STT3B: variants seen among roughly 807,000 people sequenced by gnomAD.
STT3B encodes the protein STT3 oligosaccharyltransferase complex catalytic subunit B, also known as dolichyl-diphosphooligosaccharide--protein glycosyltransferase subunit STT3B.
A neutral mutation model predicts 96.8 loss-of-function variants in STT3B; 29 were observed. That is an observed-to-expected ratio of 0.30 (90% CI 0.22 to 0.41). The LOEUF (loss-of-function observed/expected upper bound fraction) is 0.41. Among genes scored for constraint, STT3B ranks in the 10% least tolerant of loss-of-function variants. The probability of loss-of-function intolerance (pLI) is 1.00; values close to 1 mark genes in which losing one functional copy is unlikely to be tolerated. For synonymous variants in STT3B, 367 were observed against 360.0 expected (o/e 1.02, Z -0.22); for missense variants, 640 against 1,022.3 (o/e 0.63, Z 5.10).
chr3:31,608,095 C>G (rs1411662631), intron 5 of STT3B, among the ~76,000 whole-genome samples: 11 of 152,126 alleles, frequency 7.2e-5, no homozygotes, highest in Admixed American at 7.2e-4. Context: ...ATTCCATCTT[C>G]TACAGATGCA....
chr3:31,594,281 A>G (rs1698736071), intron 3 of STT3B, among the ~76,000 whole-genome samples: 1 of 151,854 alleles, frequency 6.6e-6, no homozygotes, highest in South Asian at 2.1e-4. Context: ...CATTTCTGAC[A>G]CTGTCTGTCT....
intron 1 of STT3B, among the ~76,000 whole-genome samples, 197 bp from the exon 2 acceptor site, chr3:31,576,199 G>T (rs900809682): frequency 6.6e-6 from 1 of 152,020 alleles, no homozygotes; most frequent in Non-Finnish European, 1.5e-5. Flanking sequence ...AGTTTTGTAG[G>T]TGTGGGTTTG....
chr3:31,545,578 C>G (rs1226154966), intron 1 of STT3B, among the ~76,000 whole-genome samples: 1 of 152,146 alleles, frequency 6.6e-6, no homozygotes, highest in Non-Finnish European at 1.5e-5. Flanking sequence ...AACCACAAAA[C>G]CAGAACATTA....
At chr3:31,574,088 C>T (rs553710214) in intron 1 of STT3B, among the ~76,000 whole-genome samples, 21 of 152,090 alleles carry the variant, frequency 1.4e-4, no homozygotes, top group African/African-American at 5.1e-4. Flanking sequence ...ATTAGCAGTC[C>T]CTTGAAGTCA....
At chr3:31,582,399 G>A (rs952455878) in intron 3 of STT3B, among the ~76,000 whole-genome samples, 2 of 150,778 alleles carry the variant, frequency 1.3e-5, no homozygotes, top group Non-Finnish European at 3.0e-5. Context: ...AGGTTCAAGC[G>A]ATTCTCTGCC....
rs1173591549 is a variant in STT3B, at chr3:31,579,477, T to TAAAAAAAA, written c.424-312_424-305dup. ...AAGCTAGACTAAGACCCTGTTTTGA[T>TAAAAAAAA]AAAAAAAAAAAAAAAAAAAAAAAAA... On this transcript the variant is annotated intron_variant, in intron 2 of 15. Transcript: ENST00000295770. Among the ~76,000 whole-genome samples the TAAAAAAAA allele has an allele frequency of 2.2e-4, 15 of 67,446 alleles. 3 individuals are homozygous for TAAAAAAAA. Among genetic ancestry groups the TAAAAAAAA allele is most frequent in the African/African-American group, 7.3e-4 (13 of 17,856 alleles). 44.2% of individuals were successfully genotyped at this position (67,446 alleles called of 152,430 possible). A position where few individuals can be genotyped will look rare whatever the true frequency, so the allele number is the denominator to read the frequency against.
In STT3B at chr3:31,566,001, A is replaced by G. The variant is rs946221211; in HGVS notation, c.315-10395A>G. Reference sequence around the variant, plus strand: ...ATATAGATCTATAGATACGCATGCCATTGTTTTCAAATACTTGTTTAGCAT... The same window carrying G: ...ATATAGATCTATAGATACGCATGCCGTTGTTTTCAAATACTTGTTTAGCAT... On this transcript the variant is annotated intron_variant, in intron 1 of 15. Coordinates refer to ENST00000295770, the MANE Select transcript of STT3B (RefSeq NM_178862.3). 2.6e-5 allele frequency among the ~76,000 whole-genome samples: 4 copies of G among 152,300 alleles called. No homozygotes were observed. In the East Asian group the frequency reaches 7.7e-4, roughly 29 times the overall value.
At chr3:31,605,524 G>T (rs1404051324) in intron 5 of STT3B, among the ~76,000 whole-genome samples, 2 of 152,248 alleles carry the variant, frequency 1.3e-5, no homozygotes, top group East Asian at 3.9e-4. Flanking sequence ...CACAAGATCT[G>T]ATGGTTTTAT....
At chr3:31,543,089 A>AAG (rs1239528125) in intron 1 of STT3B, among the ~76,000 whole-genome samples, 1 of 142,594 alleles carries the variant, frequency 7.0e-6, no homozygotes, top group African/African-American at 2.5e-5. Context: ...AAAAAAGAGA[A>AAG]AGAAATAAAT....
chr3:31,545,148 T>C (rs1697375132), intron 1 of STT3B, among the ~76,000 whole-genome samples: 1 of 152,176 alleles, frequency 6.6e-6, no homozygotes, highest in African/African-American at 2.4e-5. Flanking sequence ...ATCTTAAAAC[T>C]GTAAAGGCCA....
At chr3:31,570,585 T>G (rs1698112822) in intron 1 of STT3B, among the ~76,000 whole-genome samples, 2 of 152,164 alleles carry the variant, frequency 1.3e-5, no homozygotes, top group Admixed American at 1.3e-4. Context: ...ATAAATACAT[T>G]CAGTTTTTAG....
rs768027749 is a variant in STT3B, at chr3:31,622,319, T to C, written c.1539+11T>C. Reference sequence around the variant, plus strand: ...AATTTGTATGATAAGGTGGGGAATCTAAAGTAAGGCCTTTAAATTGTCTAT... The same window carrying C: ...AATTTGTATGATAAGGTGGGGAATCCAAAGTAAGGCCTTTAAATTGTCTAT... On this transcript the variant is annotated intron_variant, in intron 10 of 15. Coordinates refer to ENST00000295770, the MANE Select transcript of STT3B (RefSeq NM_178862.3). The C allele has an allele frequency of 6.2e-7, 1 of 1,607,404 alleles. No homozygotes were observed. Among genetic ancestry groups the C allele is most frequent in the Non-Finnish European group, 8.5e-7 (1 of 1,174,214 alleles).
At chr3:31,606,284 G>A (rs1294348829) in intron 5 of STT3B, among the ~76,000 whole-genome samples, 1 of 152,206 alleles carries the variant, frequency 6.6e-6, no homozygotes, top group Non-Finnish European at 1.5e-5. Context: ...GTAACAAAGA[G>A]CCAACTGTTA....
At chr3:31,630,321 A>G (rs1699627520) in intron 14 of STT3B, among the ~76,000 whole-genome samples, 1 of 152,102 alleles carries the variant, frequency 6.6e-6, no homozygotes, top group South Asian at 2.1e-4. Flanking sequence ...AACAAAATTT[A>G]CTCCATTAGT....
chr3:31,628,641 A>T (rs1699586452), intron 13 of STT3B, among the ~76,000 whole-genome samples: 1 of 152,142 alleles, frequency 6.6e-6, no homozygotes, highest in Non-Finnish European at 1.5e-5. Context: ...CATAAAAATT[A>T]CCACAGGAGT....
intron 1 of STT3B, among the ~76,000 whole-genome samples, chr3:31,562,863 C>T (rs895868454): frequency 6.6e-6 from 1 of 152,106 alleles, no homozygotes; most frequent in Admixed American, 6.5e-5. Context: ...TGCTTAGGTT[C>T]GAGTGATTCG....
chr3:31,597,840 A>ATTTT (rs141801688), intron 4 of STT3B, among the ~76,000 whole-genome samples: 5 of 147,074 alleles, frequency 3.4e-5, no homozygotes, highest in Admixed American at 6.7e-5. Flanking sequence ...TATTATTATT[A>ATTTT]TTATTTTTTT....
chr3:31,536,099 T>C (rs1223490656), intron 1 of STT3B, among the ~76,000 whole-genome samples: 2 of 152,204 alleles, frequency 1.3e-5, no homozygotes, highest in Non-Finnish European at 2.9e-5. Flanking sequence ...TTTGAAGATC[T>C]CACGTAGTTA....
intron 4 of STT3B, among the ~76,000 whole-genome samples, chr3:31,599,703 A>G (rs1358161777): frequency 2.6e-5 from 4 of 152,196 alleles, no homozygotes; most frequent in Admixed American, 2.0e-4. Context: ...AATTAATTCT[A>G]TTGGTTGAGA....
Sources: gnomAD v4.1 joint callset for allele counts (sites outside exome capture counted in the v4.1 genomes callset) on GRCh38, gnomAD v4.1.1 for gene constraint, MANE v1.5 for transcripts, NCBI Gene and HGNC (gene_info 2026-07-23, HGNC 2026-07-21) for gene names.